Variants in PRUNE2 observed in about 807,000 individuals in gnomAD.
PRUNE2 encodes the protein protein prune homolog 2.
A neutral mutation model predicts 252.0 loss-of-function variants in PRUNE2; 164 were observed. That is an observed-to-expected ratio of 0.65 (90% confidence interval 0.57 to 0.74). The LOEUF (loss-of-function observed/expected upper bound fraction) is 0.74, where lower values mean the gene tolerates loss of function less well. PRUNE2 is among the 30% of genes least tolerant of loss of function. The pLI, the probability that PRUNE2 is intolerant of heterozygous loss-of-function variation, is 0.00. For synonymous variants in PRUNE2, 1,292 were observed against 1,350.2 expected (o/e 0.96, Z 0.94); for missense variants, 3,495 against 3,711.0 (o/e 0.94, Z 1.51).
intron 9 of PRUNE2, among the ~76,000 whole-genome samples, chr9:76,663,609 A>G (rs190626199): frequency 1.1e-4 from 16 of 152,310 alleles, no homozygotes; most frequent in Non-Finnish European, 1.5e-5. Flanking sequence ...ATGGTTTTGC[A>G]TGTCAATTTT....
chr9:76,867,772 C>T (rs1440370769), intron 1 of PRUNE2, among the ~76,000 whole-genome samples: 2 of 152,112 alleles, frequency 1.3e-5, no homozygotes, highest in African/African-American at 4.8e-5. Context: ...AGGGTTTCAC[C>T]ATGTTGGTCA....
intron 11 of PRUNE2, among the ~76,000 whole-genome samples, chr9:76,647,217 A>G (rs967171374): frequency 3.9e-5 from 6 of 152,226 alleles, no homozygotes; most frequent in African/African-American, 1.2e-4. Flanking sequence ...TTATGGTTAT[A>G]GTAAAACACA....
intron 6 of PRUNE2, among the ~76,000 whole-genome samples, chr9:76,790,978 C>A (rs571413605): frequency 7.2e-5 from 11 of 152,234 alleles, no homozygotes; most frequent in African/African-American, 2.6e-4. Context: ...AAAACTGATT[C>A]TTTTAGATAA....
chr9:76,670,048 C>A (rs550519173), intron 9 of PRUNE2, among the ~76,000 whole-genome samples: 1 of 152,150 alleles, frequency 6.6e-6, no homozygotes, highest in South Asian at 2.1e-4. Flanking sequence ...CGGGGAGGAG[C>A]CAAGATGGCC....
chr9:76,763,255 A>G (rs1375178681), intron 6 of PRUNE2, among the ~76,000 whole-genome samples: 1 of 152,234 alleles, frequency 6.6e-6, no homozygotes, highest in African/African-American at 2.4e-5. Context: ...CACATCCATA[A>G]AATGGGATCA....
intron 4 of PRUNE2, among the ~76,000 whole-genome samples, chr9:76,837,562 A>G (rs567516737): frequency 6.6e-6 from 1 of 151,762 alleles, no homozygotes; most frequent in East Asian, 1.9e-4. Context: ...CCCCCACTGC[A>G]TGTGGAAAAG....
At chr9:76,712,148 A>G (rs140346774) in intron 7 of PRUNE2, among the ~76,000 whole-genome samples, 1 of 152,258 alleles carries the variant, frequency 6.6e-6, no homozygotes, top group East Asian at 1.9e-4. Flanking sequence ...TACTACTACT[A>G]ATTAACATTT....
chr9:76,622,302 A>AAT (rs1033717498), intron 17 of PRUNE2, among the ~76,000 whole-genome samples: 7 of 152,294 alleles, frequency 4.6e-5, no homozygotes, highest in African/African-American at 1.7e-4. Context: ...AAGAGAACAA[A>AAT]ATAGTGGATG....
chr9:76,905,813 T>C (rs1219585126), intron 1 of PRUNE2, 115 bp downstream of exon 1: 7 of 1,373,070 alleles, frequency 5.1e-6, no homozygotes, highest in Admixed American at 1.7e-5. Context: ...CCGCACACCC[T>C]GATAACTCCG....
At chr9:76,905,318 A>G (rs923602244) in intron 1 of PRUNE2, among the ~76,000 whole-genome samples, 2 of 152,074 alleles carry the variant, frequency 1.3e-5, no homozygotes, top group Non-Finnish European at 2.9e-5. Context: ...GATCTGGTAA[A>G]CTCCAGAACA....
chr9:76,734,510 A>G (rs1588918419), intron 6 of PRUNE2, among the ~76,000 whole-genome samples: 1 of 152,298 alleles, frequency 6.6e-6, no homozygotes, highest in East Asian at 1.9e-4. Context: ...TGTATCTGAA[A>G]ATGAGAATAA....
chr9:76,896,546 T>C (rs2062835431), intron 1 of PRUNE2, among the ~76,000 whole-genome samples: 1 of 152,240 alleles, frequency 6.6e-6, no homozygotes, highest in Admixed American at 6.5e-5. Context: ...TGCTTCCTTC[T>C]TGAATCCTTT....
chr9:76,651,492 A>G (rs550554185), intron 11 of PRUNE2, among the ~76,000 whole-genome samples: 6 of 152,338 alleles, frequency 3.9e-5, no homozygotes, highest in African/African-American at 1.4e-4. Flanking sequence ...CGTGAATTTT[A>G]AAAATGAATA....
At chr9:76,699,744 T>A (rs551262) in intron 9 of PRUNE2, among the ~76,000 whole-genome samples, 74,559 of 152,140 alleles carry the variant, frequency 0.49, 20,157 homozygotes, top group Middle Eastern at 0.69. Context: ...AATACAGATA[T>A]CTCCTATTTG....
At chr9:76,614,624 A>T in intron 18 of PRUNE2, 24 bp from the exon 19 acceptor site, 1 of 1,586,288 alleles carries the variant, frequency 6.3e-7, no homozygotes, top group Non-Finnish European at 8.6e-7. Flanking sequence ...AAAAAGAGAG[A>T]GAAACATGAG....
rs186436088 is a variant in PRUNE2 at position 76,805,914 on chromosome 9, T to C, written c.756+17718A>G. Among the ~76,000 whole-genome samples the C allele has an allele frequency of 3.1e-3, 465 of 152,312 alleles. 1 individual carries two copies. Among genetic ancestry groups the C allele is most frequent in the Non-Finnish European group, 4.0e-3 (275 of 68,022 alleles). On this transcript the variant is annotated intron_variant, in intron 6 of 18. Coordinates refer to ENST00000376718, the MANE Select transcript of PRUNE2 (RefSeq NM_015225.3). The stretch of plus-strand genomic sequence containing the variant: ...GAGTCTTCATCACCTATAAAATAGA[T>C]ATAATCACCTATGTCATTAGAAGGG...
At chr9:76,688,609 A>C (rs757396164) in intron 9 of PRUNE2, among the ~76,000 whole-genome samples, 1 of 151,680 alleles carries the variant, frequency 6.6e-6, no homozygotes, top group Non-Finnish European at 1.5e-5. Context: ...CCTTCTTTCC[A>C]TCCCAGGAAC....
At chr9:76,686,055 A>T (rs747399397) in intron 9 of PRUNE2, among the ~76,000 whole-genome samples, 11 of 152,220 alleles carry the variant, frequency 7.2e-5, no homozygotes, top group Admixed American at 2.6e-4. Context: ...GATTAATTTC[A>T]TACCCTCCTG....
chr9:76,785,773 G>A (rs1346000557), intron 6 of PRUNE2: 1 of 152,096 alleles, frequency 6.6e-6, no homozygotes, highest in Non-Finnish European at 1.5e-5. Flanking sequence ...ATGCCAAAGT[G>A]TGCCTCTCTC....
Sources: allele counts gnomAD v4.1 joint callset (sites outside exome capture counted in the v4.1 genomes callset), GRCh38; gene constraint gnomAD v4.1.1; transcripts MANE v1.5; gene names NCBI Gene and HGNC (gene_info 2026-07-23, HGNC 2026-07-21).